Variants in HTT observed in about 807,000 individuals in gnomAD.
The protein encoded by HTT is huntington disease protein.
A neutral mutation model predicts 362.3 loss-of-function variants in HTT; 104 were observed. The observed-to-expected ratio is 0.29, with a 90% CI of 0.24 to 0.34. The LOEUF is 0.34. HTT is among the 10% of genes least tolerant of loss of function. The pLI is 1.00. For missense variants in HTT, 3,301 were observed against 3,928.6 expected, an observed-to-expected ratio of 0.84 and a Z score of 4.27; for synonymous variants, 1,577 against 1,548.7, an observed-to-expected ratio of 1.02 and a Z score of -0.43.
At chr4:3,210,958 A>G (rs1253416048) in intron 47 of HTT, among the ~76,000 whole-genome samples, 3 of 139,530 alleles carry the variant, frequency 2.2e-5, no homozygotes, top group African/African-American at 8.3e-5. Flanking sequence ...GCTGGAGTGC[A>G]ATGGCGCTAT....
At chr4:3,116,365 T>A in intron 8 of HTT, 102 bp downstream of exon 8, 1 of 1,004,788 alleles carries the variant, frequency 1.0e-6, no homozygotes, top group Non-Finnish European at 1.5e-6. Flanking sequence ...GTTAGAGGTG[T>A]GGACTCTGGA....
chr4:3,131,859 A>G (rs1277498126), intron 16 of HTT, 84 bp downstream of exon 16: 6 of 1,349,198 alleles, frequency 4.4e-6, no homozygotes, highest in Non-Finnish European at 6.2e-6. Context: ...TTAGTTTTAG[A>G]GCAGTAAGTG....
intron 8 of HTT, 133 bp downstream of exon 8, chr4:3,116,396 C>T: frequency 1.4e-6 from 1 of 699,102 alleles, no homozygotes; most frequent in Non-Finnish European, 2.4e-6. Flanking sequence ...TCGTTTCCAA[C>T]CCTAGGTGCT....
intron 2 of HTT, among the ~76,000 whole-genome samples, chr4:3,091,848 G>T (rs576440644): frequency 6.6e-6 from 1 of 152,214 alleles, no homozygotes; most frequent in South Asian, 2.1e-4. Context: ...AAGGCAATTT[G>T]GGAAAATATA....
chr4:3,202,274 G>A lies in HTT; in HGVS notation c.5577-1733G>A, dbSNP rs576715539. Among the ~76,000 whole-genome samples, 11 of 152,320 alleles carry A rather than the reference G, an allele frequency of 7.2e-5. No homozygotes were observed. The South Asian group carries it at 2.3e-3, about 32-fold the overall frequency. On this transcript the variant is annotated intron_variant, in intron 41 of 66. Transcript: ENST00000355072. ...CAGTACCGGGCGGTGTATGGCCTGA[G>A]ATTTGGGGGGGCTTGTGCTGCTACA...
intron 1 of HTT, among the ~76,000 whole-genome samples, chr4:3,085,399 G>A (rs1713156174): frequency 6.6e-6 from 1 of 152,142 alleles, no homozygotes; most frequent in Non-Finnish European, 1.5e-5. Flanking sequence ...GCCTCCCAAA[G>A]TGCTGGGATT....
At position 3,074,902 on chromosome 4, in the gene HTT, AGC is replaced by A. The variant is rs774823060; in HGVS notation, c.78_79del (p.Gln27AlafsTer55). 9.4e-6 allele frequency: 14 copies of A among 1,488,636 alleles called. No individual in the cohort carries two copies. The highest frequency in any genetic ancestry group is 3.0e-5 in the African/African-American group (2 of 67,488). The allele number at this position is 1,488,636 out of a possible 1,614,324, so 92.2% of individuals were successfully genotyped here. A position where few individuals can be genotyped will look rare whatever the true frequency, so the allele number is the denominator to read the frequency against. On this transcript the variant is annotated frameshift_variant, in exon 1 of 67. Transcript: ENST00000355072. LOFTEE classifies it high-confidence loss of function. ...CAGCAGCAGCAGCAGCAGCAGCAGCAGCAGCAGCAGCAGCAGCAGCAGCAGCA... is the reference window on the plus strand; with the variant it reads ...CAGCAGCAGCAGCAGCAGCAGCAGCAAGCAGCAGCAGCAGCAGCAGCAGCA...
chr4:3,204,052 T>C lies in HTT; in HGVS notation c.5622T>C (p.Ser1874=). ...SSTKLLSPQM[S]GEEEDSDLAA... is the part of the protein sequence containing the mutation. ...CAAAGTTACTTAGTCCCCAGATGTC[T>C]GGAGAAGAGGAGGATTCTGACTTGG... The change falls in exon 42 of 67, where the codon TCT becomes TCC. Residue 1874 remains serine (S), a synonymous_variant. Transcript: ENST00000355072. The C allele has an allele frequency of 6.2e-7, 1 of 1,614,124 alleles. No homozygotes were observed. Among genetic ancestry groups the C allele is most frequent in the Non-Finnish European group, 8.5e-7 (1 of 1,179,942 alleles).
At chr4:3,114,820 G>C (rs1310245687) in intron 6 of HTT, among the ~76,000 whole-genome samples, 1 of 152,182 alleles carries the variant, frequency 6.6e-6, no homozygotes. Context: ...AGAACAGTTT[G>C]TGGGTAGTAT....
chr4:3,103,276 G>T (rs1269819092), intron 3 of HTT, among the ~76,000 whole-genome samples: 1 of 141,792 alleles, frequency 7.1e-6, no homozygotes, highest in Non-Finnish European at 1.5e-5. Context: ...CCAGGCTGGA[G>T]TGCAATGGCG....
chr4:3,237,737 G>A (rs1034905313), intron 64 of HTT, among the ~76,000 whole-genome samples: 4 of 152,190 alleles, frequency 2.6e-5, no homozygotes, highest in Admixed American at 2.0e-4. Context: ...TGCTTCCCGT[G>A]TGTCTCAGTT....
At chr4:3,217,054 A>G (rs1489286051) in intron 51 of HTT, among the ~76,000 whole-genome samples, 1 of 151,918 alleles carries the variant, frequency 6.6e-6, no homozygotes, top group African/African-American at 2.4e-5. Flanking sequence ...AATAAAGCCA[A>G]CTCGTTAGCG....
At chr4:3,133,524 TAA>T (rs59648129) in intron 18 of HTT, among the ~76,000 whole-genome samples, 113 of 125,476 alleles carry the variant, frequency 9.0e-4, no homozygotes, top group South Asian at 2.2e-3. Flanking sequence ...TCAGTTGAAT[TAA>T]AAAAAAAAAA....
intron 2 of HTT, among the ~76,000 whole-genome samples, chr4:3,094,896 G>A (rs1054939191): frequency 2.0e-5 from 3 of 151,592 alleles, no homozygotes; most frequent in South Asian, 2.1e-4. Context: ...ACGGAGTCAC[G>A]GCCGGGCAGA....
chr4:3,235,628 C>G lies in HTT; in HGVS notation c.8635C>G (p.Leu2879Val), dbSNP rs955098270. 1.2e-6 allele frequency: 2 copies of G among 1,613,918 alleles called. No individual in the cohort carries two copies. Among genetic ancestry groups the G allele is most frequent in the East Asian group, 2.2e-5 (1 of 44,880 alleles). Reference sequence around the variant, plus strand: ...CCCCTCCATCATTTACCACTGTGCCCTCAGAGGCCTGGAGCGCCTCCTGCT... The same window carrying G: ...CCCCTCCATCATTTACCACTGTGCCGTCAGAGGCCTGGAGCGCCTCCTGCT... ...STPSIIYHCA[L>V]RGLERLLLSE... is the part of the protein sequence containing the mutation. Residue 2879 changes from leucine to valine, a missense_variant, in exon 63 of 67, where the codon CTC becomes GTC. Physicochemically the swap from Leu to Val is conservative, Grantham distance 32. Around this residue, in one of 4 missense-constraint regions of HTT, gnomAD observed 753 missense variants for 1,021.3 expected, o/e 0.74. Coordinates refer to ENST00000355072, the MANE Select transcript of HTT (RefSeq NM_001388492.1).
In HTT at chr4:3,154,283, T is replaced by A. The variant is rs780163130; in HGVS notation, c.3499-10T>A. ...TTTTTTTGTTTTTTGTTTTTGTTTT[T>A]CTATTTTAGGCAGCCTTGCCTTCTC... On this transcript the variant is annotated splice_polypyrimidine_tract_variant and intron_variant, in intron 26 of 66. Coordinates refer to ENST00000355072, the MANE Select transcript of HTT (RefSeq NM_001388492.1). The A allele has an allele frequency of 3.9e-6, 6 of 1,538,858 alleles. No individual in the cohort carries two copies. The highest frequency in any genetic ancestry group is 5.2e-6 in the Non-Finnish European group (6 of 1,146,926).
chr4:3,183,757 G>T (rs1718632040), intron 37 of HTT, among the ~76,000 whole-genome samples: 1 of 152,206 alleles, frequency 6.6e-6, no homozygotes, highest in South Asian at 2.1e-4. Flanking sequence ...TCTGAGTAGA[G>T]TGGAGATCGA....
chr4:3,212,268 T>C (rs1026852685), intron 48 of HTT, 126 bp downstream of exon 48: 13 of 790,192 alleles, frequency 1.6e-5, no homozygotes, highest in Non-Finnish European at 2.6e-5. Flanking sequence ...CAGAGGTAGC[T>C]AAAGAGCAGC....
At position 3,238,832 on chromosome 4, in the gene HTT, G is replaced by A; in HGVS notation, c.9069G>A (p.Leu3023=). 6.2e-7 allele frequency: 1 copy of A among 1,608,784 alleles called. No homozygotes were observed. The highest frequency in any genetic ancestry group is 8.5e-7 in the Non-Finnish European group (1 of 1,178,554). ...ATVVYKVFQT[L]HSTGQSSMVR... ...GCTCCTTGCAGGTGTTTCAGACTCT[G>A]CACAGCACCGGGCAGTCGTCCATGG... is the stretch of plus-strand genomic sequence containing the variant. Residue 3023 remains leucine (L), a synonymous_variant, in exon 66 of 67, where the codon CTG becomes CTA. Transcript: ENST00000355072.
Sources: allele counts gnomAD v4.1 joint callset (sites outside exome capture counted in the v4.1 genomes callset), GRCh38; gene constraint gnomAD v4.1.1; regional missense constraint gnomAD v4.1.1; transcripts MANE v1.5; gene names NCBI Gene and HGNC (gene_info 2026-07-23, HGNC 2026-07-21).